Variants in PTPRD observed in about 807,000 individuals in gnomAD.
PTPRD encodes the protein protein tyrosine phosphatase receptor type D.
A neutral mutation model predicts 214.5 loss-of-function variants in PTPRD; 34 were observed. The ratio of observed to expected loss-of-function variants is 0.16; its 90% CI spans 0.12 to 0.21. The LOEUF is 0.21. Among genes scored for constraint, PTPRD ranks in the 10% least tolerant of loss-of-function variants. The pLI is 1.00. For synonymous variants in PTPRD, 1,128 were observed against 845.7 expected, an observed-to-expected ratio of 1.33 and a Z score of -5.79; for missense variants, 2,545 against 2,398.7, an observed-to-expected ratio of 1.06 and a Z score of -1.27.
chr9:8,422,173 A>G (rs1376092465), intron 35 of PTPRD, among the ~76,000 whole-genome samples: 1 of 151,128 alleles, frequency 6.6e-6, no homozygotes, highest in Non-Finnish European at 1.5e-5. Flanking sequence ...AAAAAAAAAA[A>G]AAGGTAAATT....
At chr9:9,259,135 G>A (rs2099979010) in intron 9 of PTPRD, among the ~76,000 whole-genome samples, 1 of 151,762 alleles carries the variant, frequency 6.6e-6, no homozygotes, top group Non-Finnish European at 1.5e-5. Flanking sequence ...TATTGCAAGA[G>A]GACACTTGAA....
At chr9:9,746,045 T>G (rs927489194) in intron 6 of PTPRD, among the ~76,000 whole-genome samples, 1 of 152,134 alleles carries the variant, frequency 6.6e-6, no homozygotes, top group African/African-American at 2.4e-5. Context: ...TACTCTAGTA[T>G]GAGAAACCAA....
chr9:8,673,271 C>G lies in PTPRD; in HGVS notation c.65-36427G>C, dbSNP rs144754463. Among the ~76,000 whole-genome samples, 267 of 152,160 alleles carry G rather than the reference C, an allele frequency of 1.8e-3. 1 individual carries two copies. The highest frequency in any genetic ancestry group is 0.015 in the East Asian group (76 of 5,180). ...AAACGTAAGTAGAAATTGCACAAAA[C>G]AAAATTTGAAGCAAGTTATGACCTC... On this transcript the variant is annotated intron_variant, in intron 12 of 45. Transcript: ENST00000381196.
In PTPRD at chr9:10,255,596, T is replaced by G. The variant is rs564130714; in HGVS notation, c.-545+85367A>C. Among the ~76,000 whole-genome samples the G allele has an allele frequency of 6.7e-4, 102 of 151,582 alleles. 1 individual carries two copies. Among genetic ancestry groups the G allele is most frequent in the Middle Eastern group, 3.4e-3 (1 of 294 alleles). Reference sequence around the variant, plus strand: ...ATAGATTTTATAAACACTGTATGCTTAGGCTACAGAAAATGTATACAAAAA... The same window carrying G: ...ATAGATTTTATAAACACTGTATGCTGAGGCTACAGAAAATGTATACAAAAA... On this transcript the variant is annotated intron_variant, in intron 3 of 45. Coordinates refer to ENST00000381196, the MANE Select transcript of PTPRD (RefSeq NM_002839.4).
In PTPRD at chr9:9,591,113, T is replaced by A. The variant is rs549987609; in HGVS notation, c.-286-16332A>T. 2.0e-5 allele frequency among the ~76,000 whole-genome samples: 3 copies of A among 152,072 alleles called. No individual in the cohort carries two copies. The South Asian group carries it at 6.2e-4, about 31-fold the overall frequency. On this transcript the variant is annotated intron_variant, in intron 7 of 45. Coordinates refer to ENST00000381196, the MANE Select transcript of PTPRD (RefSeq NM_002839.4). ...GACTATGGACCTTAAAATAGGAGGA[T>A]TGTCTGGGTAGGCCCATTCTAATCA... is the stretch of plus-strand genomic sequence containing the variant.
intron 44 of PTPRD, among the ~76,000 whole-genome samples, chr9:8,322,207 C>G (rs1829065928): frequency 6.6e-6 from 1 of 151,880 alleles, no homozygotes; most frequent in South Asian, 2.1e-4. Context: ...CGAAATTAGG[C>G]CAGTTAATAA....
intron 3 of PTPRD, among the ~76,000 whole-genome samples, chr9:10,100,303 C>A (rs868066152): frequency 6.6e-6 from 1 of 151,532 alleles, no homozygotes; most frequent in African/African-American, 2.4e-5. Flanking sequence ...GTCTAAATAC[C>A]ATATTATCCT....
At chr9:9,955,015 A>T (rs1304461851) in intron 4 of PTPRD, among the ~76,000 whole-genome samples, 1 of 152,212 alleles carries the variant, frequency 6.6e-6, no homozygotes, top group Non-Finnish European at 1.5e-5. Context: ...CTCCCACTAA[A>T]AAATAAAGAG....
At position 9,089,493 on chromosome 9, in the gene PTPRD, A is replaced by G. The variant is rs577128268; in HGVS notation, c.-142-70758T>C. 4.8e-4 allele frequency among the ~76,000 whole-genome samples: 73 copies of G among 152,316 alleles called. 2 individuals are homozygous for G. In the East Asian group the frequency reaches 6.8e-3, roughly 14 times the overall value. ...CCTTTCTGACCAAAGTTTTTCATTC[A>G]TGAGTTAGAATAAATGCTCCATGAA... On this transcript the variant is annotated intron_variant, in intron 10 of 45. Coordinates refer to ENST00000381196, the MANE Select transcript of PTPRD (RefSeq NM_002839.4).
chr9:9,411,028 C>T (rs529022300), intron 8 of PTPRD, among the ~76,000 whole-genome samples: 2 of 151,304 alleles, frequency 1.3e-5, no homozygotes, highest in African/African-American at 4.9e-5. Context: ...CCCACCACAG[C>T]TGCAAAACCT....
intron 3 of PTPRD, among the ~76,000 whole-genome samples, chr9:10,101,785 T>A (rs2098554151): frequency 6.6e-6 from 1 of 151,704 alleles, no homozygotes. Flanking sequence ...TATAAAATCA[T>A]AAATCCTAGC....
At chr9:10,231,336 GA>G (rs75311795) in intron 3 of PTPRD, among the ~76,000 whole-genome samples, 15,955 of 146,564 alleles carry the variant, frequency 0.11, 1,228 homozygotes, top group East Asian at 0.37. Flanking sequence ...AGAGAACAAA[GA>G]AAAAAAAAAT....
chr9:9,289,308 A>C (rs1950443599), intron 9 of PTPRD, among the ~76,000 whole-genome samples: 3 of 151,908 alleles, frequency 2.0e-5, no homozygotes, highest in Admixed American at 2.0e-4. Context: ...CTAGCAACTT[A>C]TTTTATGTGT....
chr9:9,875,193 GC>G (rs1295766136), intron 5 of PTPRD, among the ~76,000 whole-genome samples: 1 of 151,820 alleles, frequency 6.6e-6, no homozygotes, highest in Admixed American at 6.6e-5. Context: ...TCAACTTGGG[GC>G]CCTAGATAAT....
At chr9:9,429,372 A>G (rs911931324) in intron 8 of PTPRD, among the ~76,000 whole-genome samples, 3 of 152,230 alleles carry the variant, frequency 2.0e-5, no homozygotes, top group African/African-American at 7.2e-5. Context: ...ATTCCTGAAT[A>G]GACCAATAGC....
At position 10,605,713 on chromosome 9, in the gene PTPRD, T is replaced by A. The variant is rs114201424; in HGVS notation, c.-600+6685A>T. On this transcript the variant is annotated intron_variant, in intron 2 of 45. Transcript: ENST00000381196. ...ATGCCTTAGGGAAGAGATTCCTTTT[T>A]CTCTATGGAATCAAAAATTTTATGA... Among the ~76,000 whole-genome samples, 1,113 of 151,972 alleles carry A rather than the reference T, an allele frequency of 7.3e-3. 9 individuals carry two copies. The highest frequency in any genetic ancestry group is 0.026 in the African/African-American group (1,079 of 41,506).
intron 2 of PTPRD, among the ~76,000 whole-genome samples, chr9:10,549,597 G>A (rs541046418): frequency 9.2e-5 from 14 of 152,158 alleles, no homozygotes; most frequent in South Asian, 6.2e-4. Context: ...AGATCATTAT[G>A]TTTAGACCCC....
At chr9:9,836,537 G>C (rs2056810780) in intron 5 of PTPRD, among the ~76,000 whole-genome samples, 1 of 152,104 alleles carries the variant, frequency 6.6e-6, no homozygotes, top group Non-Finnish European at 1.5e-5. Flanking sequence ...CAGCATTCTA[G>C]TTTATGGGGT....
intron 4 of PTPRD, among the ~76,000 whole-genome samples, chr9:9,953,407 T>C (rs1190437625): frequency 6.6e-6 from 1 of 151,906 alleles, no homozygotes; most frequent in East Asian, 1.9e-4. Context: ...TTCAACACTA[T>C]AGAATTCAAC....
Sources: gnomAD v4.1 joint callset for allele counts (sites outside exome capture counted in the v4.1 genomes callset) on GRCh38, gnomAD v4.1.1 for gene constraint, MANE v1.5 for transcripts, NCBI Gene and HGNC (gene_info 2026-07-23, HGNC 2026-07-21) for gene names.